Variants in ACSS2 observed in about 807,000 individuals in gnomAD.
The protein encoded by ACSS2 is acetyl-coenzyme A synthetase, cytoplasmic.
A neutral mutation model predicts 90.6 loss-of-function variants in ACSS2; 58 were observed. The ratio of observed to expected loss-of-function variants is 0.64; its 90% CI spans 0.52 to 0.80. The LOEUF (loss-of-function observed/expected upper bound fraction) is 0.80, where lower values mean the gene tolerates loss of function less well. Ranked by LOEUF, ACSS2 falls within the 30% of genes least tolerant of loss-of-function variation. The probability of loss-of-function intolerance (pLI) is 0.00; values close to 1 mark genes in which losing one functional copy is unlikely to be tolerated. For synonymous variants in ACSS2, 300 were observed against 330.9 expected, an observed-to-expected ratio of 0.91 and a Z score of 1.01; for missense variants, 759 against 912.0, an observed-to-expected ratio of 0.83 and a Z score of 2.16.
rs1408664569 is a variant in ACSS2 at position 34,914,391 on chromosome 20, C to T, written c.788C>T (p.Ser263Phe). 3.1e-6 allele frequency: 5 copies of T among 1,613,800 alleles called. No homozygotes were observed. The highest frequency in any genetic ancestry group is 4.2e-6 in the Non-Finnish European group (5 of 1,179,940). ...LGRAELGMGDSTSQSPPIKRS... is the reference protein window; with the variant it reads ...LGRAELGMGDFTSQSPPIKRS... Reference sequence around the variant, plus strand: ...CGGGCAGAGCTCGGCATGGGTGACTCCACCAGCCAGTCCCCCCCAATTAAG... The same window carrying T: ...CGGGCAGAGCTCGGCATGGGTGACTTCACCAGCCAGTCCCCCCCAATTAAG... The change falls in exon 7 of 18, where the codon TCC (serine) becomes TTC (phenylalanine). Residue 263 changes from serine to phenylalanine, a missense_variant. Physicochemically the swap from Ser to Phe is radical, Grantham distance 155 (BLOSUM62 -2). Transcript: ENST00000360596.
intron 2 of ACSS2, among the ~76,000 whole-genome samples, chr20:34,899,805 A>G (rs2080601813): frequency 1.3e-5 from 2 of 151,920 alleles, no homozygotes; most frequent in African/African-American, 4.8e-5. Flanking sequence ...TTCTTTATTC[A>G]TTCCTCAATT....
chr20:34,875,050 T>C (rs1340706486), upstream of ACSS2: 1 of 534,590 alleles, frequency 1.9e-6, no homozygotes, highest in Admixed American at 1.9e-5. Flanking sequence ...GAATCACTCT[T>C]GGAGTTAGAT....
chr20:34,919,987 C>T (rs929037431), intron 8 of ACSS2, among the ~76,000 whole-genome samples: 2 of 152,096 alleles, frequency 1.3e-5, no homozygotes, highest in Non-Finnish European at 1.5e-5. Context: ...ACCATGGGAG[C>T]CGGAAACACT....
intron 2 of ACSS2, 65 bp downstream of exon 2, chr20:34,883,054 A>G (rs1168416102): frequency 3.1e-6 from 4 of 1,279,804 alleles, no homozygotes; most frequent in Admixed American, 2.3e-5. Context: ...ACAACAACCC[A>G]GTAGAGTAAG....
intron 13 of ACSS2, 168 bp downstream of exon 13, chr20:34,922,034 T>G: frequency 1.4e-6 from 2 of 1,384,382 alleles, no homozygotes; most frequent in East Asian, 5.1e-5. Flanking sequence ...CTCGATACTT[T>G]GCCTGCATCT....
At chr20:34,925,303 GT>G (rs2081293065) in intron 14 of ACSS2, among the ~76,000 whole-genome samples, 1 of 152,146 alleles carries the variant, frequency 6.6e-6, no homozygotes, top group South Asian at 2.1e-4. Flanking sequence ...TACTCGCATG[GT>G]TGTTAGCAGG....
intron 2 of ACSS2, among the ~76,000 whole-genome samples, chr20:34,903,209 G>T (rs901665710): frequency 1.1e-4 from 17 of 152,066 alleles, no homozygotes; most frequent in African/African-American, 4.1e-4. Context: ...AGGCATGGTG[G>T]CATGCACCTG....
rs1568996276 is a variant in ACSS2 at position 34,919,449 on chromosome 20, A to C, written c.849A>C (p.Gln283His). ...CATCCCTGCAGATCTCATGGAACCA[A>C]GGGATTGACTTGTGGTGGCATGAGC... ...SCPDVQISWN[Q>H]GIDLWWHELM... The change falls in exon 8 of 18, where the codon CAA (glutamine) becomes CAC (histidine). Residue 283 changes from glutamine (Q) to histidine (H), a missense_variant. Physicochemically the swap from Gln to His is conservative, Grantham distance 24. Coordinates refer to ENST00000360596, the MANE Select transcript of ACSS2 (RefSeq NM_018677.4). 1.2e-6 allele frequency: 2 copies of C among 1,613,682 alleles called. No individual in the cohort carries two copies. Among genetic ancestry groups the C allele is most frequent in the South Asian group, 1.1e-5 (1 of 91,056 alleles).
intron 1 of ACSS2, among the ~76,000 whole-genome samples, 157 bp downstream of exon 1, chr20:34,876,980 T>A (rs2079930288): frequency 6.6e-6 from 1 of 152,022 alleles, no homozygotes; most frequent in African/African-American, 2.4e-5. Context: ...GAAAAGGGAT[T>A]CCGGGAGGAG....
At chr20:34,913,289 C>A in intron 3 of ACSS2, 102 bp downstream of exon 3, 1 of 1,549,438 alleles carries the variant, frequency 6.5e-7, no homozygotes, top group Non-Finnish European at 8.9e-7. Flanking sequence ...AATTTGGTAA[C>A]AGAGGAAGAG....
In ACSS2 at chr20:34,921,323, G is replaced by T. The variant is rs979049451; in HGVS notation, c.1278-7G>T. ...GAGCCTTCCTCTCTCCCATTCCCCTGCCCCAGGCATAGCCGGGCATCCTTG... is the reference window on the plus strand; with the variant it reads ...GAGCCTTCCTCTCTCCCATTCCCCTTCCCCAGGCATAGCCGGGCATCCTTG... On this transcript the variant is annotated splice_region_variant and splice_polypyrimidine_tract_variant and intron_variant, in intron 10 of 17. Coordinates refer to ENST00000360596, the MANE Select transcript of ACSS2 (RefSeq NM_018677.4). 7 of 1,614,030 alleles carry T rather than the reference G, an allele frequency of 4.3e-6. No individual in the cohort carries two copies. The African/African-American group carries it at 5.3e-5, about 12-fold the overall frequency.
rs145325482 is a variant in ACSS2 at position 34,910,386 on chromosome 20, C to T, written c.375-2710C>T. Among the ~76,000 whole-genome samples, 274 of 152,302 alleles carry T rather than the reference C, an allele frequency of 1.8e-3. 1 individual carries two copies. Among genetic ancestry groups the T allele is most frequent in the African/African-American group, 5.7e-3 (238 of 41,556 alleles). On this transcript the variant is annotated intron_variant, in intron 2 of 17. Coordinates refer to ENST00000360596, the MANE Select transcript of ACSS2 (RefSeq NM_018677.4). ...GTTTTGCCCTGGGCATGGTGGCTCACGCCTGTAATCCCAGCACTTTGAGAG... is the reference window on the plus strand; with the variant it reads ...GTTTTGCCCTGGGCATGGTGGCTCATGCCTGTAATCCCAGCACTTTGAGAG...
chr20:34,909,175 T>TA (rs927157798), intron 2 of ACSS2, among the ~76,000 whole-genome samples: 1 of 119,268 alleles, frequency 8.4e-6, no homozygotes, highest in Admixed American at 1.1e-4. Flanking sequence ...CTGAGCAACA[T>TA]AGTAGGATCC....
At chr20:34,875,819 T>G (rs1355020196), upstream of ACSS2, 1 of 152,674 alleles carries the variant, frequency 6.5e-6, no homozygotes, top group Non-Finnish European at 1.5e-5. Flanking sequence ...TGAAGGTGTC[T>G]CCTAGTCTTC....
At position 34,914,080 on chromosome 20, in the gene ACSS2, C is replaced by T; in HGVS notation, c.644-16C>T. 2 of 1,613,944 alleles carry T rather than the reference C, an allele frequency of 1.2e-6. No homozygotes were observed. The highest frequency in any genetic ancestry group is 2.2e-5 in the South Asian group (2 of 91,054). ...TGGGGCTTACTAAGGCCTGGAATGT[C>T]TGTTGCTCCCCAAAGATGCCTTCTA... On this transcript the variant is annotated splice_polypyrimidine_tract_variant and intron_variant, in intron 5 of 17. Coordinates refer to ENST00000360596, the MANE Select transcript of ACSS2 (RefSeq NM_018677.4).
At chr20:34,909,618 G>C (rs1385134747) in intron 2 of ACSS2, among the ~76,000 whole-genome samples, 3 of 152,050 alleles carry the variant, frequency 2.0e-5, no homozygotes, top group African/African-American at 7.2e-5. Flanking sequence ...TTGTCTGACA[G>C]ACCTGTCCCT....
upstream of ACSS2, among the ~76,000 whole-genome samples, chr20:34,875,379 G>A (rs552727002): frequency 6.6e-6 from 1 of 152,196 alleles, no homozygotes; most frequent in South Asian, 2.1e-4. Context: ...GACCAGCCTG[G>A]ACAACATGGT....
intron 2 of ACSS2, among the ~76,000 whole-genome samples, chr20:34,889,213 C>T (rs1167812048): frequency 6.6e-6 from 1 of 152,108 alleles, no homozygotes; most frequent in Non-Finnish European, 1.5e-5. Flanking sequence ...AGCTCTGCCT[C>T]CTGGGTTCAC....
chr20:34,878,906 T>A (rs2079991664), intron 1 of ACSS2, among the ~76,000 whole-genome samples: 2 of 134,034 alleles, frequency 1.5e-5, no homozygotes, highest in Admixed American at 1.5e-4. Context: ...TTTTTTTTTT[T>A]TTTTTCTTTT....
Sources: allele counts gnomAD v4.1 joint callset (sites outside exome capture counted in the v4.1 genomes callset), GRCh38; gene constraint gnomAD v4.1.1; transcripts MANE v1.5; gene names NCBI Gene and HGNC (gene_info 2026-07-23, HGNC 2026-07-21).